ZFP1: variants seen among roughly 807,000 people sequenced by gnomAD.
ZFP1 encodes the protein zinc finger protein 1 homolog.
In ZFP1, 32 loss-of-function variants were observed where a neutral mutation model predicts 38.5. The observed-to-expected ratio is 0.83, with a 90% CI of 0.63 to 1.12. The LOEUF (loss-of-function observed/expected upper bound fraction) is 1.12, where lower values mean the gene tolerates loss of function less well. ZFP1 is among the 50% of genes most tolerant of loss of function. The pLI, the probability that ZFP1 is intolerant of heterozygous loss-of-function variation, is 0.00. For synonymous variants in ZFP1, 245 were observed against 168.8 expected (o/e 1.45, Z -3.50); for missense variants, 616 against 480.8 (o/e 1.28, Z -2.63).
intron 2 of ZFP1, among the ~76,000 whole-genome samples, chr16:75,158,274 T>C (rs887837514): frequency 2.6e-5 from 4 of 152,006 alleles, no homozygotes; most frequent in Non-Finnish European, 4.4e-5. Context: ...GGGTGGAATT[T>C]AGTGGCATGA....
At chr16:75,120,098 T>C in the ZFP1 span, among the ~76,000 whole-genome samples, 4 of 152,196 alleles carry the variant, frequency 2.6e-5, no homozygotes, top group Non-Finnish European at 5.9e-5. Context: ...TGATTAAAAG[T>C]CAGCTTAATT....
At chr16:75,125,150 T>G in the ZFP1 span, among the ~76,000 whole-genome samples, 1 of 151,998 alleles carries the variant, frequency 6.6e-6, no homozygotes, top group Admixed American at 6.6e-5. Flanking sequence ...TCCCAGCTAT[T>G]TGGGAGGCTG....
In ZFP1 at chr16:75,171,853, T is replaced by G. The variant is rs2038451500; in HGVS notation, c.*1519T>G. ...GGGAAAACGTTATTTTCATAGCTGC[T>G]TTTAGAAATGTAAATTGTAACAGCC... On this transcript the variant is annotated 3_prime_UTR_variant, in exon 4 of 4. Transcript: ENST00000570010. The G allele has an allele frequency of 6.6e-6, 1 of 152,224 alleles. No homozygotes were observed. The highest frequency in any genetic ancestry group is 1.5e-5 in the Non-Finnish European group (1 of 68,038). 9.4% of individuals were successfully genotyped at this position (152,224 alleles called of 1,614,324 possible).
chr16:75,166,573 C>T, intron 2 of ZFP1, 197 bp from the exon 3 acceptor site: 1 of 984,956 alleles, frequency 1.0e-6, no homozygotes, highest in Non-Finnish European at 1.2e-6. Flanking sequence ...TATGACAGTG[C>T]CAGAGATATA....
intron 2 of ZFP1, 126 bp downstream of exon 2, chr16:75,153,092 A>G (rs946057619): frequency 3.1e-6 from 4 of 1,284,446 alleles, no homozygotes; most frequent in South Asian, 1.5e-5. Flanking sequence ...TAACTAATCA[A>G]TACCAGCAGC....
At chr16:75,157,275 C>T (rs950273602) in intron 2 of ZFP1, 1 of 118,470 alleles carries the variant, frequency 8.4e-6, no homozygotes, top group African/African-American at 3.1e-5. Flanking sequence ...GAGACAGTCT[C>T]ACTCTGTCTC....
rs1285585394 is a variant in ZFP1 at position 75,169,965 on chromosome 16, A to C, written c.855A>C (p.Thr285=). ...KTFAQKFELT[T]HQRIHTGERP... ...TTGCCCAAAAGTTTGAACTCACCAC[A>C]CACCAGAGAATTCATACAGGAGAGC... The change falls in exon 4 of 4, where the codon ACA becomes ACC. Residue 285 remains threonine (T), a synonymous_variant. Transcript: ENST00000570010. 6.2e-7 allele frequency: 1 copy of C among 1,614,110 alleles called. No homozygotes were observed. The highest frequency in any genetic ancestry group is 1.3e-5 in the African/African-American group (1 of 74,934).
the ZFP1 span, among the ~76,000 whole-genome samples, chr16:75,141,296 G>A: frequency 4.2e-4 from 61 of 145,472 alleles, no homozygotes; most frequent in Non-Finnish European, 6.3e-4. Flanking sequence ...TCCGCCTCCC[G>A]GGTTCATGCC....
At chr16:75,146,730 G>A (rs1287365850), upstream of ZFP1, among the ~76,000 whole-genome samples, 2 of 152,096 alleles carry the variant, frequency 1.3e-5, no homozygotes, top group Non-Finnish European at 2.9e-5. Context: ...CTTGATCCCA[G>A]GAGTTTGAGA....
At position 75,161,775 on chromosome 16, in the gene ZFP1, T is replaced by TATATA. The variant is rs59261786; in HGVS notation, c.16-4995_16-4994insATATA. ...TTTATGAAATATATATATATATATA[T>TATATA]TTTTTTTTTTTTTTTTTTTTTTTTT... On this transcript the variant is annotated intron_variant, in intron 2 of 3. Coordinates refer to ENST00000570010, the MANE Select transcript of ZFP1 (RefSeq NM_153688.4). Among the ~76,000 whole-genome samples the TATATA allele has an allele frequency of 9.0e-3, 56 of 6,208 alleles. 1 individual carries two copies. Among genetic ancestry groups the TATATA allele is most frequent in the Middle Eastern group, 0.12 (1 of 8 alleles). The allele number at this position is 6,208 out of a possible 152,430, so 4.1% of individuals were successfully genotyped here. A position where few individuals can be genotyped will look rare whatever the true frequency, so the allele number is the denominator to read the frequency against.
chr16:75,165,095 G>A (rs9931464), intron 2 of ZFP1, among the ~76,000 whole-genome samples: 5,669 of 151,900 alleles, frequency 0.037, 339 homozygotes, highest in African/African-American at 0.12. Flanking sequence ...ATGAACCATC[G>A]CGCCCGGCCT....
chr16:75,138,182 G>A, the ZFP1 span, among the ~76,000 whole-genome samples: 80 of 151,866 alleles, frequency 5.3e-4, no homozygotes, highest in African/African-American at 1.9e-3. Context: ...GACTACAGGC[G>A]TGCGCCACCA....
chr16:75,165,165 C>CTGTT (rs563945706), intron 2 of ZFP1, among the ~76,000 whole-genome samples: 21 of 152,152 alleles, frequency 1.4e-4, no homozygotes, highest in African/African-American at 5.1e-4. Flanking sequence ...TTGCCTATGC[C>CTGTT]TGTTTTTGTG....
intron 2 of ZFP1, among the ~76,000 whole-genome samples, chr16:75,156,330 G>A (rs756631776): frequency 2.6e-5 from 4 of 152,200 alleles, no homozygotes; most frequent in East Asian, 1.9e-4. Flanking sequence ...GGTAGCATGC[G>A]CCTGTAATCC....
rs77735434 is a variant in ZFP1 at position 75,170,092 on chromosome 16, G to C, written c.982G>C (p.Glu328Gln). ...HTGEKRYECS[E>Q]CGKSFIQNSQ... ...GGGGGAGAAACGCTATGAGTGCAGT[G>C]AATGTGGAAAATCCTTTATCCAGAA... Residue 328 changes from glutamate to glutamine, a missense_variant, in exon 4 of 4, where the codon GAA (glutamate) becomes CAA (glutamine). By Grantham distance (29) the Glu-to-Gln change is conservative (BLOSUM62 2). Coordinates refer to ENST00000570010, the MANE Select transcript of ZFP1 (RefSeq NM_153688.4). The C allele has an allele frequency of 8.1e-6, 13 of 1,614,088 alleles. 1 individual carries two copies. In the East Asian group the frequency reaches 1.1e-4, roughly 14 times the overall value.
intron 2 of ZFP1, among the ~76,000 whole-genome samples, chr16:75,157,819 C>T (rs530808616): frequency 1.3e-5 from 2 of 151,708 alleles, no homozygotes; most frequent in Admixed American, 6.6e-5. Context: ...GTTTTGAGAC[C>T]GGATCTGGCT....
intron 2 of ZFP1, among the ~76,000 whole-genome samples, chr16:75,160,586 A>C (rs2037717150): frequency 6.6e-6 from 1 of 150,712 alleles, no homozygotes; most frequent in African/African-American, 2.4e-5. Flanking sequence ...TTGAACCTGG[A>C]AGGTGGAGGC....
At chr16:75,129,559 GC>G in the ZFP1 span, among the ~76,000 whole-genome samples, 7 of 152,132 alleles carry the variant, frequency 4.6e-5, no homozygotes, top group African/African-American at 1.4e-4. Context: ...TCAAAAGAAT[GC>G]AACCATTGGT....
chr16:75,148,409 G>A (rs1055694724), upstream of ZFP1: 1 of 152,248 alleles, frequency 6.6e-6, no homozygotes, highest in Non-Finnish European at 1.5e-5. Context: ...CGCGGCCCCG[G>A]AGGCTTGTGG....
Sources: allele counts gnomAD v4.1 joint callset (sites outside exome capture counted in the v4.1 genomes callset), GRCh38; gene constraint gnomAD v4.1.1; transcripts MANE v1.5; gene names NCBI Gene and HGNC (gene_info 2026-07-23, HGNC 2026-07-21).